PFKL: variants seen among roughly 807,000 people sequenced by gnomAD.
The protein encoded by PFKL is ATP-dependent 6-phosphofructokinase, liver type.
Under a neutral mutation model 92.1 loss-of-function variants are expected in PFKL, and 74 were observed. The ratio of observed to expected loss-of-function variants is 0.80; its 90% CI spans 0.67 to 0.97. PFKL has a LOEUF of 0.97. PFKL is among the 50% of genes least tolerant of loss of function. The pLI is 0.00. For synonymous variants in PFKL, 494 were observed against 456.4 expected (o/e 1.08, Z -1.05); for missense variants, 1,028 against 1,116.6 (o/e 0.92, Z 1.13).
chr21:44,325,356 C>A, intron 19 of PFKL, 92 bp downstream of exon 19: 1 of 798,982 alleles, frequency 1.3e-6, no homozygotes, highest in South Asian at 1.4e-5. Context: ...TCACGGGCAC[C>A]CACGGGCACT....
intron 2 of PFKL, among the ~76,000 whole-genome samples, chr21:44,309,018 C>T (rs997160860): frequency 6.6e-6 from 1 of 152,114 alleles, no homozygotes; most frequent in Non-Finnish European, 1.5e-5. Flanking sequence ...GTTCCTTTCT[C>T]CAGCAGCTAT....
intron 14 of PFKL, 55 bp downstream of exon 14, chr21:44,322,258 G>C (rs1675530521): frequency 6.6e-7 from 1 of 1,520,984 alleles, no homozygotes; most frequent in South Asian, 1.2e-5. Context: ...GCAGTATCCA[G>C]GCCCTGCAGG....
At chr21:44,306,134 C>T (rs1415332999) in intron 1 of PFKL, among the ~76,000 whole-genome samples, 4 of 67,200 alleles carry the variant, frequency 6.0e-5, no homozygotes, top group East Asian at 9.4e-4. Context: ...GGGGTGGGGC[C>T]GGTGTGGGAG....
chr21:44,316,619 ACT>A, intron 9 of PFKL, 95 bp downstream of exon 9: 1 of 907,728 alleles, frequency 1.1e-6, no homozygotes, highest in South Asian at 1.6e-5. Flanking sequence ...TGGCACGTGC[ACT>A]GTGTCCATGT....
chr21:44,304,138 C>T (rs1036926580), intron 1 of PFKL: 3 of 1,193,136 alleles, frequency 2.5e-6, no homozygotes, highest in Non-Finnish European at 3.3e-6. Flanking sequence ...AAGGGCTCAG[C>T]ACAAAGCTGG....
chr21:44,316,615 G>A (rs911201686), intron 9 of PFKL, 91 bp downstream of exon 9: 17 of 930,974 alleles, frequency 1.8e-5, no homozygotes, highest in Admixed American at 4.5e-5. Context: ...AGCATGGCAC[G>A]TGCACTGTGT....
intron 11 of PFKL, 41 bp from the exon 12 acceptor site, chr21:44,320,031 TGTACGCCGTGGC>T: frequency 6.6e-7 from 1 of 1,516,072 alleles, no homozygotes; most frequent in Non-Finnish European, 9.2e-7. Flanking sequence ...GCGCTGTGGC[TGTACGCCGTGGC>T]GCTGCAGGGC....
At chr21:44,307,511 A>C (rs1432800003) in intron 2 of PFKL, among the ~76,000 whole-genome samples, 5 of 152,124 alleles carry the variant, frequency 3.3e-5, no homozygotes, top group Admixed American at 3.3e-4. Context: ...TGTTTATATA[A>C]AATGTAGCAA....
At chr21:44,306,997 C>G (rs541412568) in intron 2 of PFKL, among the ~76,000 whole-genome samples, 15 of 152,290 alleles carry the variant, frequency 9.8e-5, no homozygotes, top group Middle Eastern at 3.4e-3. Context: ...GAGCACGGGC[C>G]TGGGGGCAGG....
chr21:44,316,670 A>G, intron 9 of PFKL, 146 bp downstream of exon 9: 1 of 624,428 alleles, frequency 1.6e-6, no homozygotes. Flanking sequence ...GTGGGGGTGT[A>G]TGTGTGGGGG....
Position 44,316,446 on chromosome 21 carries a change from G to A in PFKL, c.858G>A (p.Arg286=). 1 of 1,611,928 alleles carries A rather than the reference G, an allele frequency of 6.2e-7. No homozygotes were observed. Among genetic ancestry groups the A allele is most frequent in the Non-Finnish European group, 8.5e-7 (1 of 1,178,968 alleles). The change falls in exon 9 of 22, where the codon AGG becomes AGA. Residue 286 remains arginine, a synonymous_variant. Transcript: ENST00000349048. ...CTGTCCTGCAGCTGGTGGTTCAGAG[G>A]CTGGGCTTCGACACCCGTGTAACTG... ...SSYVKDLVVQ[R]LGFDTRVTVL... is the part of the protein sequence containing the mutation.
At chr21:44,322,393 G>A (rs1358928306) in intron 14 of PFKL, among the ~76,000 whole-genome samples, 190 bp downstream of exon 14, 2 of 152,174 alleles carry the variant, frequency 1.3e-5, no homozygotes, top group Non-Finnish European at 2.9e-5. Context: ...CGCTGTGTAG[G>A]GCAGGCTGCT....
chr21:44,322,914 C>A, intron 14 of PFKL, 48 bp from the exon 15 acceptor site: 2 of 1,396,032 alleles, frequency 1.4e-6, no homozygotes, highest in Non-Finnish European at 1.0e-6. Flanking sequence ...AATCTGGACA[C>A]GCGTCCCCGG....
intron 1 of PFKL, chr21:44,304,240 G>A (rs1009716175): frequency 7.8e-7 from 1 of 1,288,922 alleles, no homozygotes; most frequent in Non-Finnish European, 1.0e-6. Flanking sequence ...TACCCTTGCT[G>A]ACCCCTGATC....
chr21:44,306,210 G>T (rs1425296941), intron 1 of PFKL, among the ~76,000 whole-genome samples: 1 of 128,364 alleles, frequency 7.8e-6, no homozygotes, highest in Non-Finnish European at 1.7e-5. Context: ...TGGCCCCGTG[G>T]CCTGTGAGTG....
chr21:44,309,894 A>G (rs1017121009), intron 2 of PFKL, among the ~76,000 whole-genome samples: 5 of 152,210 alleles, frequency 3.3e-5, no homozygotes, highest in Non-Finnish European at 1.5e-5. Context: ...GAAGCCCGCC[A>G]TGGCCAGAGT....
chr21:44,305,853 TC>T, intron 1 of PFKL: 1 of 1,366,378 alleles, frequency 7.3e-7, no homozygotes, highest in Non-Finnish European at 9.8e-7. Context: ...TTCACTGCAG[TC>T]CTGGGAGCCG....
Position 44,323,938 on chromosome 21 carries a change from C to T in PFKL, c.1650+20C>T, listed in dbSNP as rs146019359. 2.9e-4 allele frequency: 464 copies of T among 1,612,600 alleles called. 1 individual carries two copies. The African/African-American group carries it at 3.2e-3, about 11-fold the overall frequency. The stretch of plus-strand genomic sequence containing the variant: ...ATGGAGGTACGGGGCTCCTGGACAC[C>T]GGCCTGCCATGCCCAGGCCCTTGTG... On this transcript the variant is annotated intron_variant, in intron 16 of 21. Coordinates refer to ENST00000349048, the MANE Select transcript of PFKL (RefSeq NM_002626.6).
rs1334403378 is a variant in PFKL, at chr21:44,309,378, T to G, written c.160-1628T>G. ...GAGCCTGGGTCCAGGCCTGCAGGGG[T>G]GAGAGGAGGGGGCGGGGCTAGAGGG... On this transcript the variant is annotated intron_variant, in intron 2 of 21. Coordinates refer to ENST00000349048, the MANE Select transcript of PFKL (RefSeq NM_002626.6). Among the ~76,000 whole-genome samples, 13 of 120,888 alleles carry G rather than the reference T, an allele frequency of 1.1e-4. No homozygotes were observed. The South Asian group carries it at 1.1e-3, about 10-fold the overall frequency. The allele number at this position is 120,888 out of a possible 152,430, so 79.3% of individuals were successfully genotyped here.
Sources: gnomAD v4.1 joint callset for allele counts (sites outside exome capture counted in the v4.1 genomes callset) on GRCh38, gnomAD v4.1.1 for gene constraint, MANE v1.5 for transcripts, NCBI Gene and HGNC (gene_info 2026-07-23, HGNC 2026-07-21) for gene names.